CAMK2D: variants seen among roughly 807,000 people sequenced by gnomAD.
CAMK2D encodes calcium/calmodulin-dependent protein kinase type II subunit delta.
CAMK2D carries 37 observed loss-of-function variants against 84.0 expected under a neutral mutation model. That is an observed-to-expected ratio of 0.44 (90% CI 0.34 to 0.58). The LOEUF is 0.58. Ranked by LOEUF, CAMK2D falls within the 20% of genes least tolerant of loss-of-function variation. CAMK2D has a pLI of 0.02. For synonymous variants in CAMK2D, 202 were observed against 212.5 expected, an observed-to-expected ratio of 0.95 and a Z score of 0.43; for missense variants, 448 against 652.5, an observed-to-expected ratio of 0.69 and a Z score of 3.41.
intron 3 of CAMK2D, among the ~76,000 whole-genome samples, chr4:113,617,697 G>T (rs2099027128): frequency 6.6e-6 from 1 of 151,900 alleles, no homozygotes. Flanking sequence ...ATGGGGTCTT[G>T]CTATGTTGCT....
chr4:113,485,510 C>G (rs2097757764), intron 16 of CAMK2D, among the ~76,000 whole-genome samples: 1 of 152,178 alleles, frequency 6.6e-6, no homozygotes. Context: ...AAACAAAACT[C>G]AACCCTCCCT....
At chr4:113,546,599 A>G (rs1162122244) in intron 6 of CAMK2D, among the ~76,000 whole-genome samples, 1 of 152,218 alleles carries the variant, frequency 6.6e-6, no homozygotes, top group African/African-American at 2.4e-5. Flanking sequence ...TTATAACCAG[A>G]AAAGTCTGCA....
At chr4:113,609,876 A>G (rs1304769822) in intron 3 of CAMK2D, among the ~76,000 whole-genome samples, 2 of 152,146 alleles carry the variant, frequency 1.3e-5, no homozygotes, top group Admixed American at 1.3e-4. Context: ...TAGTTTCTCA[A>G]ATTAATGCCA....
chr4:113,701,732 C>G (rs2099418248), intron 2 of CAMK2D, among the ~76,000 whole-genome samples: 1 of 151,800 alleles, frequency 6.6e-6, no homozygotes, highest in Non-Finnish European at 1.5e-5. Flanking sequence ...TTTTTTGAAA[C>G]AGGATCTCAC....
intron 4 of CAMK2D, among the ~76,000 whole-genome samples, chr4:113,589,957 C>G (rs549877418): frequency 1.3e-5 from 2 of 152,166 alleles, no homozygotes; most frequent in African/African-American, 4.8e-5. Context: ...AAGGAAATTA[C>G]CTCTATGGTA....
intron 12 of CAMK2D, 97 bp from the exon 13 acceptor site, chr4:113,509,772 T>G: frequency 2.4e-6 from 2 of 843,968 alleles, no homozygotes; most frequent in Non-Finnish European, 4.0e-6. Context: ...CTACCACCTT[T>G]GCTGAGTTCT....
chr4:113,676,447 T>G (rs961380958), intron 2 of CAMK2D, among the ~76,000 whole-genome samples: 1 of 149,924 alleles, frequency 6.7e-6, no homozygotes, highest in Non-Finnish European at 1.5e-5. Context: ...ACCAGTCCAC[T>G]GACTCCTCCA....
chr4:113,669,145 T>A (rs2154321875), intron 2 of CAMK2D, among the ~76,000 whole-genome samples: 1 of 152,312 alleles, frequency 6.6e-6, no homozygotes, highest in Non-Finnish European at 1.5e-5. Context: ...TAAAGCAAAA[T>A]CTACATTTTA....
intron 2 of CAMK2D, among the ~76,000 whole-genome samples, chr4:113,697,892 C>T (rs904456967): frequency 6.6e-6 from 1 of 151,990 alleles, no homozygotes; most frequent in Non-Finnish European, 1.5e-5. Context: ...ACAAAACTAG[C>T]GAGTCACAAT....
In CAMK2D at chr4:113,523,816, T is replaced by C. The variant is rs376153721; in HGVS notation, c.602-6159A>G. 2.0e-4 allele frequency among the ~76,000 whole-genome samples: 31 copies of C among 151,730 alleles called. No individual in the cohort carries two copies. The East Asian group carries it at 5.6e-3, about 27-fold the overall frequency. ...ATAAATAAACAAACAAACAAATAAA[T>C]AAATAATTAGTACATAAAACAGATC... On this transcript the variant is annotated intron_variant, in intron 8 of 20. Coordinates refer to ENST00000511664, the MANE Select transcript of CAMK2D (RefSeq NM_001321571.2).
chr4:113,491,420 G>C (rs1392059706), intron 16 of CAMK2D, among the ~76,000 whole-genome samples: 2 of 148,242 alleles, frequency 1.3e-5, no homozygotes, highest in African/African-American at 5.0e-5. Flanking sequence ...TTTGTCTTTG[G>C]CTCTGTGTAT....
intron 2 of CAMK2D, among the ~76,000 whole-genome samples, chr4:113,700,130 T>C (rs1014797711): frequency 1.3e-5 from 2 of 152,132 alleles, no homozygotes; most frequent in African/African-American, 2.4e-5. Context: ...CCAGTCAAGA[T>C]TGAGGCAACT....
intron 4 of CAMK2D, among the ~76,000 whole-genome samples, chr4:113,571,779 A>C (rs2098754657): frequency 6.6e-6 from 1 of 152,106 alleles, no homozygotes. Context: ...GGAGGCTAAA[A>C]AATTTGTCTA....
rs145648475 is a variant in CAMK2D at position 113,686,213 on chromosome 4, T to C, written c.161-24441A>G. 4.9e-3 allele frequency among the ~76,000 whole-genome samples: 743 copies of C among 152,334 alleles called. 12 individuals carry two copies. Among genetic ancestry groups the C allele is most frequent in the Non-Finnish European group, 5.6e-3 (384 of 68,032 alleles). ...AAGAAATTATCAAAATATTTTCAGA[T>C]AATAAACTCCAAATAACTGATATTT... On this transcript the variant is annotated intron_variant, in intron 2 of 20. Coordinates refer to ENST00000511664, the MANE Select transcript of CAMK2D (RefSeq NM_001321571.2).
Position 113,454,172 on chromosome 4 carries a change from T to A in CAMK2D, c.*373A>T, listed in dbSNP as rs1373645441. 1.1e-5 allele frequency: 2 copies of A among 189,870 alleles called. No homozygotes were observed. Among genetic ancestry groups the A allele is most frequent in the Non-Finnish European group, 2.1e-5 (2 of 93,180 alleles). The allele number at this position is 189,870 out of a possible 1,614,324, so 11.8% of individuals were successfully genotyped here. The stretch of plus-strand genomic sequence containing the variant: ...TTTACATTTCTCTTACAACTGTCAT[T>A]CAGAGAACAATAGTTCTTAAGTCTG... On this transcript the variant is annotated 3_prime_UTR_variant, in exon 21 of 21. Transcript: ENST00000511664.
intron 4 of CAMK2D, among the ~76,000 whole-genome samples, chr4:113,556,565 C>T (rs1270923073): frequency 6.6e-6 from 1 of 152,056 alleles, no homozygotes; most frequent in East Asian, 1.9e-4. Flanking sequence ...TTCTATATTA[C>T]GAGTGTGCAG....
intron 3 of CAMK2D, among the ~76,000 whole-genome samples, chr4:113,630,186 T>C (rs983177974): frequency 6.6e-6 from 1 of 152,210 alleles, no homozygotes; most frequent in African/African-American, 2.4e-5. Flanking sequence ...TGTTTGGGCA[T>C]GGAGGACAAA....
At chr4:113,753,662 A>C (rs2099622136) in intron 2 of CAMK2D, 1 of 398,144 alleles carries the variant, frequency 2.5e-6, no homozygotes, top group African/African-American at 2.2e-5. Context: ...TTTTATTCTA[A>C]AAATAACTGT....
intron 4 of CAMK2D, among the ~76,000 whole-genome samples, chr4:113,579,965 G>A (rs1453910013): frequency 6.6e-6 from 1 of 152,196 alleles, no homozygotes; most frequent in Non-Finnish European, 1.5e-5. Flanking sequence ...TCAACCAACA[G>A]TTCCATGTCC....
Sources: gnomAD v4.1 joint callset for allele counts (sites outside exome capture counted in the v4.1 genomes callset) on GRCh38, gnomAD v4.1.1 for gene constraint, MANE v1.5 for transcripts, NCBI Gene and HGNC (gene_info 2026-07-23, HGNC 2026-07-21) for gene names.